Variants in CGNL1 observed in about 807,000 individuals in gnomAD.
CGNL1 encodes the protein cingulin-like protein 1.
A neutral mutation model predicts 141.2 loss-of-function variants in CGNL1; 132 were observed. The ratio of observed to expected loss-of-function variants is 0.93; its 90% CI spans 0.81 to 1.08. CGNL1 has a LOEUF of 1.08. CGNL1 is among the 50% of genes least tolerant of loss of function. The pLI is 0.00. For synonymous variants in CGNL1, 690 were observed against 622.1 expected (o/e 1.11, Z -1.63); for missense variants, 1,870 against 1,588.6 (o/e 1.18, Z -3.01).
intron 8 of CGNL1, among the ~76,000 whole-genome samples, chr15:57,462,913 G>A (rs945173236): frequency 3.3e-5 from 5 of 152,200 alleles, no homozygotes; most frequent in South Asian, 2.1e-4. Flanking sequence ...GGAGAAAAGC[G>A]AAACCGATTT....
At chr15:57,535,204 T>C (rs936758459) in intron 14 of CGNL1, among the ~76,000 whole-genome samples, 1 of 152,188 alleles carries the variant, frequency 6.6e-6, no homozygotes, top group Non-Finnish European at 1.5e-5. Flanking sequence ...CAGTGCTCTA[T>C]CTACCCGTGC....
At chr15:57,387,065 C>T (rs1351855379) in intron 1 of CGNL1, among the ~76,000 whole-genome samples, 1 of 152,106 alleles carries the variant, frequency 6.6e-6, no homozygotes, top group African/African-American at 2.4e-5. Flanking sequence ...AACCCTGGAC[C>T]CGTAGAGCAG....
intron 8 of CGNL1, among the ~76,000 whole-genome samples, chr15:57,470,192 T>G (rs1167430976): frequency 6.7e-6 from 1 of 149,324 alleles, no homozygotes; most frequent in Non-Finnish European, 1.5e-5. Flanking sequence ...CATGGAACTT[T>G]CCATAGGCAA....
rs61564944 is a variant in CGNL1 at position 57,442,182 on chromosome 15, G to GAAA, written c.1698-172_1698-170dup. 2.6e-4 allele frequency among the ~76,000 whole-genome samples: 25 copies of GAAA among 96,500 alleles called. 2 individuals carry two copies. The highest frequency in any genetic ancestry group is 7.7e-4 in the African/African-American group (18 of 23,300). 63.3% of individuals were successfully genotyped at this position (96,500 alleles called of 152,430 possible). On this transcript the variant is annotated intron_variant, in intron 3 of 18. Coordinates refer to ENST00000281282, the MANE Select transcript of CGNL1 (RefSeq NM_032866.5). ...TTGAGTGGTAACACATCATTTATTT[G>GAAA]AAAAAAAAAAAAAAAAAAAAAGACA...
intron 8 of CGNL1, among the ~76,000 whole-genome samples, chr15:57,503,586 C>T (rs530799442): frequency 1.3e-5 from 2 of 152,184 alleles, no homozygotes; most frequent in Admixed American, 1.3e-4. Context: ...TGGCTAAAGG[C>T]TTGGAGTGGA....
At chr15:57,416,655 C>T (rs1316769918) in intron 1 of CGNL1, among the ~76,000 whole-genome samples, 2 of 152,216 alleles carry the variant, frequency 1.3e-5, no homozygotes, top group Non-Finnish European at 2.9e-5. Flanking sequence ...GAACTTGTCT[C>T]TACTGCTGGG....
chr15:57,410,160 G>A (rs773371760), intron 1 of CGNL1, among the ~76,000 whole-genome samples: 1 of 152,182 alleles, frequency 6.6e-6, no homozygotes, highest in Non-Finnish European at 1.5e-5. Context: ...AGGAAAGGAG[G>A]CAAGAGAGGA....
At chr15:57,445,800 T>C (rs1050414735) in intron 4 of CGNL1, among the ~76,000 whole-genome samples, 11 of 152,228 alleles carry the variant, frequency 7.2e-5, no homozygotes, top group African/African-American at 2.7e-4. Flanking sequence ...TGTAGTTTTC[T>C]AACCACTTTA....
chr15:57,461,026 G>A (rs2063439258), intron 7 of CGNL1, among the ~76,000 whole-genome samples: 1 of 152,122 alleles, frequency 6.6e-6, no homozygotes, highest in Non-Finnish European at 1.5e-5. Flanking sequence ...GAGAAGGTCT[G>A]GGACAAAAAT....
intron 1 of CGNL1, chr15:57,405,085 A>G (rs2062700826): frequency 6.6e-6 from 1 of 151,976 alleles, no homozygotes; most frequent in Non-Finnish European, 1.5e-5. Flanking sequence ...GAAATATGAG[A>G]TGCTTCATGA....
At chr15:57,388,628 T>A (rs1184696846) in intron 1 of CGNL1, among the ~76,000 whole-genome samples, 4 of 152,234 alleles carry the variant, frequency 2.6e-5, no homozygotes, top group Non-Finnish European at 5.9e-5. Context: ...CTTCTTGTTA[T>A]CAGAGCTAAT....
At chr15:57,501,314 G>A (rs1399382069) in intron 8 of CGNL1, among the ~76,000 whole-genome samples, 10 of 152,334 alleles carry the variant, frequency 6.6e-5, no homozygotes, top group Admixed American at 6.5e-4. Flanking sequence ...AGAAGCAAAG[G>A]ATTATAACAG....
At chr15:57,451,834 C>A (rs1350132444) in intron 5 of CGNL1, among the ~76,000 whole-genome samples, 1 of 151,830 alleles carries the variant, frequency 6.6e-6, no homozygotes, top group African/African-American at 2.4e-5. Context: ...GTAAAAGAAA[C>A]CCTGTTGGAT....
intron 1 of CGNL1, among the ~76,000 whole-genome samples, chr15:57,437,207 G>A (rs1042574157): frequency 6.6e-6 from 1 of 152,056 alleles, no homozygotes; most frequent in Non-Finnish European, 1.5e-5. Context: ...TTGGCATCAG[G>A]ACCCATCACA....
At chr15:57,461,923 T>C (rs1325619435) in intron 8 of CGNL1, 31 bp downstream of exon 8, 1 of 1,556,440 alleles carries the variant, frequency 6.4e-7, no homozygotes, top group Middle Eastern at 1.8e-4. Context: ...ATCTGGCTTG[T>C]GAACAGATGA....
intron 14 of CGNL1, among the ~76,000 whole-genome samples, chr15:57,534,840 T>A (rs2032165578): frequency 6.6e-6 from 1 of 152,212 alleles, no homozygotes; most frequent in Admixed American, 6.5e-5. Context: ...CATGGGATAT[T>A]TTAGTTTGGT....
At chr15:57,522,837 A>G (rs2031356794) in intron 10 of CGNL1, among the ~76,000 whole-genome samples, 1 of 152,150 alleles carries the variant, frequency 6.6e-6, no homozygotes, top group African/African-American at 2.4e-5. Flanking sequence ...ACAACCACCT[A>G]CCTGGCTAGT....
In CGNL1 at chr15:57,549,293, A is replaced by G. The variant is rs1297994006; in HGVS notation, c.*1803A>G. On this transcript the variant is annotated 3_prime_UTR_variant, in exon 19 of 19. Coordinates refer to ENST00000281282, the MANE Select transcript of CGNL1 (RefSeq NM_032866.5). ...AGGGAGAGGACCCTGTGAGTTGGTG[A>G]CATATATGTGGCAGAGATGGTAGTG... 1.3e-5 allele frequency: 2 copies of G among 152,482 alleles called. No homozygotes were observed. Among genetic ancestry groups the G allele is most frequent in the South Asian group, 2.1e-4 (1 of 4,828 alleles). The allele number at this position is 152,482 out of a possible 1,614,324, so 9.4% of individuals were successfully genotyped here.
chr15:57,390,038 A>C (rs1247378847), intron 1 of CGNL1, among the ~76,000 whole-genome samples: 1 of 151,812 alleles, frequency 6.6e-6, no homozygotes, highest in South Asian at 2.1e-4. Flanking sequence ...CTGGTCTCGA[A>C]CTCCTGACCT....
Sources: allele counts gnomAD v4.1 joint callset (sites outside exome capture counted in the v4.1 genomes callset), GRCh38; gene constraint gnomAD v4.1.1; transcripts MANE v1.5; gene names NCBI Gene and HGNC (gene_info 2026-07-23, HGNC 2026-07-21).